Variants in ANKRD45 observed in about 807,000 individuals in gnomAD.
ANKRD45 encodes the protein ankyrin repeat domain 45, also known as ankyrin repeat domain-containing protein 45.
In ANKRD45, 21 loss-of-function variants were observed where a neutral mutation model predicts 28.1. That is an observed-to-expected ratio of 0.75 (90% confidence interval 0.53 to 1.08). ANKRD45 has a LOEUF of 1.08. Among genes scored for constraint, ANKRD45 ranks in the 50% least tolerant of loss-of-function variants. The pLI is 0.00. For synonymous variants in ANKRD45, 86 were observed against 103.9 expected (o/e 0.83, Z 1.05); for missense variants, 261 against 308.7 (o/e 0.85, Z 1.16).
chr1:173,650,221 CA>C (rs1669119700), intron 2 of ANKRD45, among the ~76,000 whole-genome samples: 1 of 152,148 alleles, frequency 6.6e-6, no homozygotes, highest in African/African-American at 2.4e-5. Flanking sequence ...TCGTCATTTA[CA>C]TTAGGTATTT....
the ANKRD45 span, among the ~76,000 whole-genome samples, chr1:173,693,892 T>G: frequency 3.3e-5 from 5 of 152,204 alleles, no homozygotes; most frequent in African/African-American, 9.6e-5. Context: ...TAACTTTTAT[T>G]TTTAATACCA....
chr1:173,676,860 T>C, the ANKRD45 span, among the ~76,000 whole-genome samples: 2 of 145,868 alleles, frequency 1.4e-5, no homozygotes, highest in South Asian at 2.1e-4. Flanking sequence ...AAAAGAATTA[T>C]AGGAGTTTCC....
At chr1:173,689,137 CCTTT>C in the ANKRD45 span, among the ~76,000 whole-genome samples, 1 of 152,210 alleles carries the variant, frequency 6.6e-6, no homozygotes, top group African/African-American at 2.4e-5. Flanking sequence ...GCTTCTTTCT[CCTTT>C]CTTAGTTCAG....
At chr1:173,673,227 C>T (rs1321143354), upstream of ANKRD45, among the ~76,000 whole-genome samples, 2 of 151,708 alleles carry the variant, frequency 1.3e-5, no homozygotes, top group East Asian at 3.9e-4. Context: ...TCTCCGGCCT[C>T]AGCCTCCCAA....
rs7539322 is a variant in ANKRD45 at position 173,646,826 on chromosome 1, C to T, written c.496+20G>A. The T allele has an allele frequency of 0.086, 137,752 of 1,609,082 alleles. 7,342 individuals carry two copies. The highest frequency in any genetic ancestry group is 0.29 in the East Asian group (13,150 of 44,756). ...CTCATCACATCAGTCAGTTTGCTAA[C>T]CCCTTGTGAGCTTCCTTACCTGCCC... On this transcript the variant is annotated intron_variant, in intron 3 of 5. Transcript: ENST00000333279.
chr1:173,704,210 TG>T, the ANKRD45 span, among the ~76,000 whole-genome samples: 2 of 152,148 alleles, frequency 1.3e-5, no homozygotes, highest in Non-Finnish European at 2.9e-5. Context: ...ATTAAAGATT[TG>T]GGGGTGCATG....
At chr1:173,683,893 G>C in the ANKRD45 span, among the ~76,000 whole-genome samples, 1 of 152,176 alleles carries the variant, frequency 6.6e-6, no homozygotes, top group African/African-American at 2.4e-5. Context: ...TGGAGCAATG[G>C]TGAGCGCACA....
rs559894335 is a variant in ANKRD45, at chr1:173,609,094, T to C, written c.*1051A>G. On this transcript the variant is annotated 3_prime_UTR_variant, in exon 6 of 6. Transcript: ENST00000333279. ...CGGCCAAAAAGGTGGCTGAAAGTTA[T>C]TGCAGTGTTCTTTTGCTTTAAAAAA... is the stretch of plus-strand genomic sequence containing the variant. Among the ~76,000 whole-genome samples, 1 of 152,006 alleles carries C rather than the reference T, an allele frequency of 6.6e-6. No homozygotes were observed. Among genetic ancestry groups the C allele is most frequent in the Non-Finnish European group, 1.5e-5 (1 of 67,972 alleles).
chr1:173,627,442 T>G (rs1398355652), intron 3 of ANKRD45, among the ~76,000 whole-genome samples: 1 of 152,168 alleles, frequency 6.6e-6, no homozygotes, highest in African/African-American at 2.4e-5. Flanking sequence ...AGCCACACAG[T>G]GCAGACAGAG....
chr1:173,659,107 A>C lies in ANKRD45; in HGVS notation c.312T>G (p.Asn104Lys). ...ACAAAATACCTCTGGTGGTTTTTTC[A>C]TTCAGATTCACACCATATTTTGCCA... ...RALAKYGVNL[N>K]EKTTRGYTLL... Residue 104 changes from asparagine (N) to lysine (K), a missense_variant, in exon 2 of 6, where the codon AAT becomes AAG. Asn to Lys is a moderately conservative substitution (Grantham distance 94). Transcript: ENST00000333279. The C allele has an allele frequency of 6.2e-7, 1 of 1,612,408 alleles. No individual in the cohort carries two copies. Among genetic ancestry groups the C allele is most frequent in the Non-Finnish European group, 8.5e-7 (1 of 1,179,394 alleles).
upstream of ANKRD45, among the ~76,000 whole-genome samples, chr1:173,671,223 A>C (rs1571795495): frequency 6.7e-6 from 1 of 148,516 alleles, no homozygotes; most frequent in African/African-American, 2.5e-5. Context: ...GAGTCTTATC[A>C]CTCTTCCCAG....
intron 2 of ANKRD45, chr1:173,658,627 T>C (rs960225213): frequency 6.6e-6 from 1 of 152,254 alleles, no homozygotes; most frequent in Non-Finnish European, 1.5e-5. Flanking sequence ...AAAAAATAAT[T>C]ACTGAATTTA....
upstream of ANKRD45, among the ~76,000 whole-genome samples, chr1:173,673,440 A>G (rs1670322776): frequency 6.6e-6 from 1 of 152,100 alleles, no homozygotes; most frequent in African/African-American, 2.4e-5. Flanking sequence ...AGACTGAGTC[A>G]TGTCCGTTGT....
In ANKRD45 at chr1:173,610,185, C is replaced by G; in HGVS notation, c.761G>C (p.Ser254Thr). The G allele has an allele frequency of 6.2e-7, 1 of 1,614,124 alleles. No individual in the cohort carries two copies. Among genetic ancestry groups the G allele is most frequent in the East Asian group, 2.2e-5 (1 of 44,876 alleles). ...ATCTTGACTTCTCTTCTGGTCATGG[C>G]TTGTTACAGATTTGGCACTTTTCAC... ...CQVKSAKSVT[S>T]HDQKRSQDDT... is the part of the protein sequence containing the mutation. The change falls in exon 6 of 6, where the codon AGC becomes ACC. Residue 254 changes from serine (S) to threonine (T), a missense_variant. Coordinates refer to ENST00000333279, the MANE Select transcript of ANKRD45 (RefSeq NM_198493.3).
At chr1:173,611,100 C>G (rs922934872) in intron 5 of ANKRD45, among the ~76,000 whole-genome samples, 3 of 152,188 alleles carry the variant, frequency 2.0e-5, no homozygotes, top group Admixed American at 6.5e-5. Context: ...TTCTACATTT[C>G]TACTGTACCT....
rs191296209 is a variant in ANKRD45, at chr1:173,645,579, T to C, written c.496+1267A>G. Among the ~76,000 whole-genome samples, 5 of 152,334 alleles carry C rather than the reference T, an allele frequency of 3.3e-5. No homozygotes were observed. The East Asian group carries it at 5.8e-4, about 18-fold the overall frequency. ...CTGAGGTATAGAGAATTTAAGCACCTTGTCCAAGGTCACATAGGTTTCAAG... is the reference window on the plus strand; with the variant it reads ...CTGAGGTATAGAGAATTTAAGCACCCTGTCCAAGGTCACATAGGTTTCAAG... On this transcript the variant is annotated intron_variant, in intron 3 of 5. Coordinates refer to ENST00000333279, the MANE Select transcript of ANKRD45 (RefSeq NM_198493.3).
At chr1:173,687,039 T>A in the ANKRD45 span, among the ~76,000 whole-genome samples, 2 of 152,190 alleles carry the variant, frequency 1.3e-5, no homozygotes, top group African/African-American at 4.8e-5. Context: ...GACACCCCCT[T>A]AACTTTAGCC....
intron 2 of ANKRD45, among the ~76,000 whole-genome samples, chr1:173,655,903 G>A (rs904265391): frequency 8.5e-5 from 13 of 152,214 alleles, no homozygotes; most frequent in African/African-American, 1.7e-4. Context: ...CATGGGACCC[G>A]CCAAGCCAGG....
Position 173,637,063 on chromosome 1 carries a change from G to A in ANKRD45, c.496+9783C>T. ...TAAATGCATATGCAAATGTAGCTTA[G>A]TCAATTATAGATATCACAAAAGAAA... On this transcript the variant is annotated intron_variant, in intron 3 of 5. Transcript: ENST00000333279. 4 of 1,356,478 alleles carry A rather than the reference G, an allele frequency of 2.9e-6. No individual in the cohort carries two copies. The South Asian group carries it at 5.1e-5, about 17-fold the overall frequency. 84.0% of individuals were successfully genotyped at this position (1,356,478 alleles called of 1,614,324 possible).
Sources: allele counts gnomAD v4.1 joint callset (sites outside exome capture counted in the v4.1 genomes callset), GRCh38; gene constraint gnomAD v4.1.1; transcripts MANE v1.5; gene names NCBI Gene and HGNC (gene_info 2026-07-23, HGNC 2026-07-21).